The following ROPN1L variants were observed in gnomAD, a reference collection of about 807,000 sequenced individuals.
ROPN1L encodes rhophilin associated tail protein 1 like.
ROPN1L carries 23 observed loss-of-function variants against 22.7 expected under a neutral mutation model. That is an observed-to-expected ratio of 1.01 (90% CI 0.73 to 1.43). The LOEUF (loss-of-function observed/expected upper bound fraction) is 1.43, where lower values mean the gene tolerates loss of function less well. ROPN1L is among the 40% of genes most tolerant of loss of function. ROPN1L has a pLI of 0.00. For missense variants in ROPN1L, 271 were observed against 291.5 expected (o/e 0.93, Z 0.51); for synonymous variants, 116 against 117.8 (o/e 0.98, Z 0.10).
downstream of ROPN1L, among the ~76,000 whole-genome samples, chr5:10,475,171 C>T (rs746174873): frequency 7.9e-5 from 12 of 152,260 alleles, no homozygotes; most frequent in South Asian, 4.2e-4. Flanking sequence ...TAGCAAGTTC[C>T]GCTAGCAGGG....
intron 3 of ROPN1L, among the ~76,000 whole-genome samples, chr5:10,460,377 C>T (rs116142491): frequency 0.014 from 2,135 of 152,364 alleles, 49 homozygotes; most frequent in African/African-American, 0.048. Flanking sequence ...GCAGTTCCAG[C>T]GCCATGCAGC....
downstream of ROPN1L, among the ~76,000 whole-genome samples, chr5:10,465,377 G>A (rs576896429): frequency 1.4e-3 from 219 of 152,188 alleles, no homozygotes; most frequent in African/African-American, 5.1e-3. Context: ...TTAGCCAGGC[G>A]TGGTAGCGGG....
intron 3 of ROPN1L, among the ~76,000 whole-genome samples, chr5:10,456,888 C>A (rs1561173309): frequency 6.6e-6 from 1 of 152,212 alleles, no homozygotes; most frequent in Non-Finnish European, 1.5e-5. Context: ...CAGATCTCAT[C>A]TGCCTGCTCC....
At chr5:10,463,335 T>C (rs765242851) in intron 4 of ROPN1L, among the ~76,000 whole-genome samples, 3 of 152,224 alleles carry the variant, frequency 2.0e-5, no homozygotes, top group East Asian at 1.9e-4. Context: ...TAAACCATCA[T>C]TGGGTGCTGA....
At chr5:10,448,876 C>T (rs986136286) in intron 2 of ROPN1L, among the ~76,000 whole-genome samples, 1 of 152,216 alleles carries the variant, frequency 6.6e-6, no homozygotes, top group African/African-American at 2.4e-5. Flanking sequence ...CCCTTCCTGC[C>T]TTGCGCTTCT....
intron 3 of ROPN1L, among the ~76,000 whole-genome samples, chr5:10,457,569 C>T (rs1734862537): frequency 6.6e-6 from 1 of 152,250 alleles, no homozygotes; most frequent in Admixed American, 6.5e-5. Flanking sequence ...CTCGCAGTAA[C>T]CACACGAGGT....
chr5:10,459,523 G>C (rs573200804), intron 3 of ROPN1L, among the ~76,000 whole-genome samples: 1 of 151,996 alleles, frequency 6.6e-6, no homozygotes, highest in Non-Finnish European at 1.5e-5. Context: ...AAAGACCTCC[G>C]TGATCTGCCC....
At chr5:10,480,997 C>T in the ROPN1L span, among the ~76,000 whole-genome samples, 1 of 152,136 alleles carries the variant, frequency 6.6e-6, no homozygotes, top group Non-Finnish European at 1.5e-5. Context: ...CCGTCAAACA[C>T]CACAGTTCCT....
downstream of ROPN1L, among the ~76,000 whole-genome samples, chr5:10,465,678 G>A (rs776583766): frequency 4.0e-5 from 6 of 151,548 alleles, no homozygotes; most frequent in Non-Finnish European, 8.8e-5. Context: ...GTGAAACCCC[G>A]TCTCTACTAG....
In ROPN1L at chr5:10,470,742, G is replaced by A. The variant is rs543979645; in HGVS notation, n.886-1068G>A. ...TGAATCTCACGTAAAGTATTAGCAG[G>A]GCGTGATCAGGAGAGCCACACAGCA... On this transcript the variant is annotated intron_variant and non_coding_transcript_variant, in intron 4 of 4. Transcript: ENST00000510520. Among the ~76,000 whole-genome samples, 7 of 152,370 alleles carry A rather than the reference G, an allele frequency of 4.6e-5. 1 individual carries two copies. In the South Asian group the frequency reaches 1.4e-3, roughly 32 times the overall value.
intron 1 of ROPN1L, among the ~76,000 whole-genome samples, chr5:10,447,499 T>G (rs911759340): frequency 2.6e-5 from 4 of 152,180 alleles, no homozygotes; most frequent in African/African-American, 9.7e-5. Context: ...ACCTGTGTGT[T>G]CCTGGGCTGC....
At chr5:10,455,096 C>T (rs141617407) in intron 3 of ROPN1L, among the ~76,000 whole-genome samples, 1 of 152,340 alleles carries the variant, frequency 6.6e-6, no homozygotes, top group East Asian at 1.9e-4. Flanking sequence ...CGGCCTCCTC[C>T]TGACAACACA....
chr5:10,443,604 G>T (rs537735869), intron 1 of ROPN1L, among the ~76,000 whole-genome samples: 75 of 151,710 alleles, frequency 4.9e-4, no homozygotes, highest in African/African-American at 1.6e-3. Flanking sequence ...AGTCCGGCCC[G>T]GGCGACAGAG....
the ROPN1L span, among the ~76,000 whole-genome samples, chr5:10,481,240 C>A: frequency 6.6e-6 from 1 of 152,206 alleles, no homozygotes; most frequent in East Asian, 1.9e-4. Flanking sequence ...GTAAGGCCAA[C>A]AGATCAGGAA....
the ROPN1L span, among the ~76,000 whole-genome samples, chr5:10,477,097 T>C: frequency 6.6e-6 from 1 of 152,276 alleles, no homozygotes; most frequent in African/African-American, 2.4e-5. Context: ...CCAATAAAAC[T>C]TTATTAATGA....
At chr5:10,461,546 T>C in intron 4 of ROPN1L, 187 bp downstream of exon 4, 1 of 573,082 alleles carries the variant, frequency 1.7e-6, no homozygotes. Context: ...CAAGTGGTCC[T>C]GCAGCAGACA....
In ROPN1L at chr5:10,442,029, A is replaced by G. The variant is rs1392529663; in HGVS notation, c.-139A>G. 1.6e-6 allele frequency: 2 copies of G among 1,244,406 alleles called. No homozygotes were observed. The highest frequency in any genetic ancestry group is 2.4e-5 in the East Asian group (1 of 41,618). 77.1% of individuals were successfully genotyped at this position (1,244,406 alleles called of 1,614,324 possible). A position where few individuals can be genotyped will look rare whatever the true frequency, so the allele number is the denominator to read the frequency against. ...GTAAGAGCCCCGCGAATCCGGCCCC[A>G]ACCTCGGGAACGGGATGGGAGGCGG... On this transcript the variant is annotated 5_prime_UTR_variant, in exon 1 of 5. Transcript: ENST00000274134.
At chr5:10,448,023 C>G (rs534403845) in intron 1 of ROPN1L, among the ~76,000 whole-genome samples, 154 of 152,338 alleles carry the variant, frequency 1.0e-3, no homozygotes, top group African/African-American at 3.5e-3. Flanking sequence ...TCACACAATG[C>G]TCCCCAACCC....
chr5:10,473,608 C>A (rs773453869), downstream of ROPN1L, among the ~76,000 whole-genome samples: 18 of 152,124 alleles, frequency 1.2e-4, no homozygotes, highest in Non-Finnish European at 2.5e-4. Context: ...TTTCAACAAC[C>A]CTAGGAAATG....
Sources: allele counts gnomAD v4.1 joint callset (sites outside exome capture counted in the v4.1 genomes callset), GRCh38; gene constraint gnomAD v4.1.1; transcripts MANE v1.5; gene names NCBI Gene and HGNC (gene_info 2026-07-23, HGNC 2026-07-21).